CFAP54: variants seen among roughly 807,000 people sequenced by gnomAD.
CFAP54 encodes cilia and flagella associated protein 54.
In CFAP54, 290 loss-of-function variants were observed where a neutral mutation model predicts 370.4. The ratio of observed to expected loss-of-function variants is 0.78; its 90% CI spans 0.71 to 0.86. CFAP54 has a LOEUF of 0.86. Among genes scored for constraint, CFAP54 ranks in the 40% least tolerant of loss-of-function variants. The pLI is 0.00. For synonymous variants in CFAP54, 1,206 were observed against 1,236.5 expected, an observed-to-expected ratio of 0.98 and a Z score of 0.52; for missense variants, 3,399 against 3,528.7, an observed-to-expected ratio of 0.96 and a Z score of 0.93.
intron 3 of CFAP54, among the ~76,000 whole-genome samples, chr12:96,504,930 T>C (rs1955075449): frequency 1.3e-5 from 2 of 151,160 alleles, no homozygotes; most frequent in African/African-American, 4.9e-5. Flanking sequence ...AATTTATTTT[T>C]CTTTCTTCCT....
chr12:96,554,626 T>C (rs1470866186), intron 16 of CFAP54, 50 bp from the exon 17 acceptor site: 1 of 1,452,828 alleles, frequency 6.9e-7, no homozygotes, highest in African/African-American at 1.4e-5. Flanking sequence ...GCTATTTTTG[T>C]GTGTTTTGAT....
At chr12:96,819,021 G>T (rs1959004047) in intron 65 of CFAP54, among the ~76,000 whole-genome samples, 1 of 152,206 alleles carries the variant, frequency 6.6e-6, no homozygotes, top group Admixed American at 6.5e-5. Context: ...AAAGATAGAT[G>T]TACATGGCTT....
At chr12:96,825,443 GTTATA>G (rs1344870600) in intron 65 of CFAP54, among the ~76,000 whole-genome samples, 3 of 111,882 alleles carry the variant, frequency 2.7e-5, no homozygotes, top group African/African-American at 3.7e-5. Context: ...TATAATATAT[GTTATA>G]TTATATATAA....
intron 32 of CFAP54, 48 bp from the exon 33 acceptor site, chr12:96,644,130 T>C (rs1456243294): frequency 8.3e-7 from 1 of 1,209,994 alleles, no homozygotes; most frequent in South Asian, 1.4e-5. Context: ...CTTTATTAAA[T>C]ATCTGAAAGT....
In CFAP54 at chr12:96,497,212, A is replaced by C. The variant is rs1264590135; in HGVS notation, c.318-3622A>C. Among the ~76,000 whole-genome samples the C allele has an allele frequency of 2.0e-5, 3 of 152,192 alleles. No homozygotes were observed. In the East Asian group the frequency reaches 5.8e-4, roughly 29 times the overall value. On this transcript the variant is annotated intron_variant, in intron 1 of 67. Coordinates refer to ENST00000524981, the MANE Select transcript of CFAP54 (RefSeq NM_001306084.2). ...ATGTAGTCGTTAAGAGCATAGATGC[A>C]CTGAGCCTCAGCTTAATCAACTGTA...
intron 35 of CFAP54, among the ~76,000 whole-genome samples, chr12:96,651,136 G>A (rs1030009131): frequency 6.6e-6 from 1 of 152,176 alleles, no homozygotes; most frequent in African/African-American, 2.4e-5. Flanking sequence ...AACCTGTCCT[G>A]TAATGCTCTG....
intron 65 of CFAP54, among the ~76,000 whole-genome samples, chr12:96,820,244 G>T (rs1408550928): frequency 6.6e-6 from 1 of 152,062 alleles, no homozygotes; most frequent in Non-Finnish European, 1.5e-5. Context: ...ATCATGTTCT[G>T]CTAGGAATAT....
At chr12:96,511,728 C>T (rs1385740645) in intron 4 of CFAP54, among the ~76,000 whole-genome samples, 1 of 152,232 alleles carries the variant, frequency 6.6e-6, no homozygotes, top group Non-Finnish European at 1.5e-5. Context: ...AGGTGTTTTG[C>T]CTGCCTCAGC....
At chr12:96,588,468 A>G (rs112724237) in intron 22 of CFAP54, among the ~76,000 whole-genome samples, 1 of 152,190 alleles carries the variant, frequency 6.6e-6, no homozygotes, top group Non-Finnish European at 1.5e-5. Context: ...AGAGTTTGAT[A>G]CCATCTCTAT....
At chr12:96,794,598 T>C (rs965501424) in intron 63 of CFAP54, among the ~76,000 whole-genome samples, 1 of 152,170 alleles carries the variant, frequency 6.6e-6, no homozygotes, top group African/African-American at 2.4e-5. Flanking sequence ...GTCATTGTTT[T>C]TTATTTATGC....
chr12:96,541,629 A>G (rs1955574092), intron 14 of CFAP54, among the ~76,000 whole-genome samples: 1 of 151,574 alleles, frequency 6.6e-6, no homozygotes, highest in Non-Finnish European at 1.5e-5. Flanking sequence ...CTCCCCTTCC[A>G]TTTCCCATAA....
At chr12:96,694,781 T>C (rs1468872028) in intron 45 of CFAP54, among the ~76,000 whole-genome samples, 1 of 151,832 alleles carries the variant, frequency 6.6e-6, no homozygotes, top group Non-Finnish European at 1.5e-5. Flanking sequence ...CCCAGCACTT[T>C]GGGAGGCCGG....
chr12:96,758,766 A>G (rs1406463911), intron 58 of CFAP54, among the ~76,000 whole-genome samples: 1 of 152,176 alleles, frequency 6.6e-6, no homozygotes, highest in Non-Finnish European at 1.5e-5. Flanking sequence ...TTCCAAACTA[A>G]GATGTGGAAA....
At chr12:96,497,338 A>G (rs1266598274) in intron 1 of CFAP54, among the ~76,000 whole-genome samples, 1 of 152,226 alleles carries the variant, frequency 6.6e-6, no homozygotes, top group Non-Finnish European at 1.5e-5. Flanking sequence ...ACAGCATTGA[A>G]GGAGAAGAAG....
chr12:96,577,895 T>C (rs1441513175), intron 20 of CFAP54, among the ~76,000 whole-genome samples: 2 of 151,942 alleles, frequency 1.3e-5, no homozygotes, highest in Non-Finnish European at 2.9e-5. Flanking sequence ...ACCCTGTCTT[T>C]ACTAAAAATA....
chr12:96,840,300 G>C (rs1338198457), intron 66 of CFAP54, among the ~76,000 whole-genome samples: 1 of 152,194 alleles, frequency 6.6e-6, no homozygotes, highest in East Asian at 1.9e-4. Flanking sequence ...AGTTTTTCTG[G>C]GTACTGGATG....
chr12:96,736,954 C>T (rs1300236547), intron 50 of CFAP54, among the ~76,000 whole-genome samples: 2 of 152,090 alleles, frequency 1.3e-5, no homozygotes, highest in Non-Finnish European at 2.9e-5. Flanking sequence ...GAACCTGGCT[C>T]CTCTTTCTAG....
At chr12:96,730,925 G>A (rs1340171640) in intron 50 of CFAP54, among the ~76,000 whole-genome samples, 1 of 152,220 alleles carries the variant, frequency 6.6e-6, no homozygotes, top group African/African-American at 2.4e-5. Context: ...TTTTTAAGCA[G>A]TGATGAAAAT....
chr12:96,822,590 C>T (rs965338225), intron 65 of CFAP54, among the ~76,000 whole-genome samples: 8 of 152,236 alleles, frequency 5.3e-5, no homozygotes, highest in East Asian at 3.9e-4. Flanking sequence ...AATCAATGTA[C>T]GAGTATGGCC....
Sources: allele counts gnomAD v4.1 joint callset (sites outside exome capture counted in the v4.1 genomes callset), GRCh38; gene constraint gnomAD v4.1.1; transcripts MANE v1.5; gene names NCBI Gene and HGNC (gene_info 2026-07-23, HGNC 2026-07-21).